The following PCDHA5 variants were observed in gnomAD, a reference collection of about 807,000 sequenced individuals.
PCDHA5 encodes the protein protocadherin alpha 5.
PCDHA5 carries 43 observed loss-of-function variants against 61.6 expected under a neutral mutation model. That is an observed-to-expected ratio of 0.70 (90% CI 0.55 to 0.90). PCDHA5 has a LOEUF of 0.90. Ranked by LOEUF, PCDHA5 falls within the 40% of genes least tolerant of loss-of-function variation. The pLI is 0.00. For synonymous variants in PCDHA5, 627 were observed against 543.9 expected (o/e 1.15, Z -2.13); for missense variants, 1,298 against 1,222.7 (o/e 1.06, Z -0.92).
chr5:140,904,170 A>T (rs2070892349), intron 1 of PCDHA5, among the ~76,000 whole-genome samples: 1 of 151,964 alleles, frequency 6.6e-6, no homozygotes. Context: ...GTAGTCTTTT[A>T]TTCCTCACCC....
intron 1 of PCDHA5, among the ~76,000 whole-genome samples, chr5:140,931,650 T>C (rs2087656696): frequency 6.6e-6 from 1 of 152,016 alleles, no homozygotes; most frequent in South Asian, 2.1e-4. Flanking sequence ...CTAATAATTG[T>C]TGTGGGCTGG....
rs145763112 is a variant in PCDHA5, at chr5:140,835,616, C to A, written c.2352+11489C>A. The A allele has an allele frequency of 2.0e-5, 32 of 1,613,766 alleles. No homozygotes were observed. The highest frequency in any genetic ancestry group is 8.3e-5 in the Admixed American group (5 of 59,990). On this transcript the variant is annotated intron_variant, in intron 1 of 3. Transcript: ENST00000529859. ...ATTACTATTCATTGGTGCTGGACAGCGCTCTGGACCGCGAGAGTGTGTCCG... is the reference window on the plus strand; with the variant it reads ...ATTACTATTCATTGGTGCTGGACAGAGCTCTGGACCGCGAGAGTGTGTCCG...
intron 1 of PCDHA5, among the ~76,000 whole-genome samples, chr5:140,886,340 G>A (rs2060950327): frequency 6.6e-6 from 1 of 151,864 alleles, no homozygotes; most frequent in East Asian, 1.9e-4. Flanking sequence ...TGTGCAGAAC[G>A]TGCAGGTTTG....
At chr5:140,878,571 A>G (rs531090803) in intron 1 of PCDHA5, among the ~76,000 whole-genome samples, 48 of 152,346 alleles carry the variant, frequency 3.2e-4, no homozygotes, top group African/African-American at 1.1e-3. Context: ...ATCATAGTAT[A>G]CCACTGCCCT....
At chr5:140,937,199 G>T (rs2091405017) in intron 1 of PCDHA5, among the ~76,000 whole-genome samples, 1 of 151,792 alleles carries the variant, frequency 6.6e-6, no homozygotes, top group African/African-American at 2.4e-5. Flanking sequence ...CACCATGCCC[G>T]GCTAATTTTT....
intron 1 of PCDHA5, chr5:140,862,749 G>C: frequency 1.7e-6 from 1 of 579,636 alleles, no homozygotes; most frequent in Non-Finnish European, 3.3e-6. Flanking sequence ...GGGTGCACGC[G>C]GAGAGCGGCA....
At chr5:140,906,083 A>G (rs1554192390) in intron 1 of PCDHA5, among the ~76,000 whole-genome samples, 1 of 152,146 alleles carries the variant, frequency 6.6e-6, no homozygotes, top group Non-Finnish European at 1.5e-5. Context: ...ACCCACCCAG[A>G]CTGAGAGTAA....
At chr5:140,888,557 T>G (rs2153424359) in intron 1 of PCDHA5, among the ~76,000 whole-genome samples, 1 of 152,366 alleles carries the variant, frequency 6.6e-6, no homozygotes, top group East Asian at 1.9e-4. Flanking sequence ...TTTATTCCTT[T>G]CAAGGCTTCA....
At chr5:140,962,037 C>G (rs1449536712) in intron 1 of PCDHA5, among the ~76,000 whole-genome samples, 1 of 152,066 alleles carries the variant, frequency 6.6e-6, no homozygotes, top group African/African-American at 2.4e-5. Flanking sequence ...GCACCCACCA[C>G]CATGCCTGGC....
intron 1 of PCDHA5, among the ~76,000 whole-genome samples, chr5:140,924,244 C>T (rs1375839311): frequency 6.6e-6 from 1 of 152,152 alleles, no homozygotes; most frequent in East Asian, 1.9e-4. Flanking sequence ...TGTTTTGCAT[C>T]CTGGTGAGAT....
chr5:140,966,188 T>G (rs1454663585), intron 1 of PCDHA5: 7 of 200,348 alleles, frequency 3.5e-5, no homozygotes, highest in Non-Finnish European at 6.9e-5. Context: ...ATAGCCAGAC[T>G]TCTAGGGGCT....
chr5:140,920,923 G>T (rs1229531762), intron 1 of PCDHA5, among the ~76,000 whole-genome samples: 1 of 151,200 alleles, frequency 6.6e-6, no homozygotes, highest in Non-Finnish European at 1.5e-5. Flanking sequence ...TCCAAGAGTA[G>T]GTGATCTAGC....
intron 1 of PCDHA5, chr5:140,882,816 A>G (rs2059323174): frequency 1.9e-6 from 3 of 1,614,266 alleles, no homozygotes; most frequent in Non-Finnish European, 1.7e-6. Flanking sequence ...TTGGACGCAC[A>G]AAACAGTCTT....
At chr5:140,891,424 G>A (rs932574419) in intron 1 of PCDHA5, among the ~76,000 whole-genome samples, 1 of 146,144 alleles carries the variant, frequency 6.8e-6, no homozygotes, top group Non-Finnish European at 1.5e-5. Context: ...TTGCCCCCAA[G>A]TCCCCAACGT....
At position 140,843,280 on chromosome 5, in the gene PCDHA5, T is replaced by A. The variant is rs2150356364; in HGVS notation, c.2352+19153T>A. ...ACCGTCTGCTGGTCCTGGTGAAGGA[T>A]CATGGTGAACCTGCGCTGACCGCCA... On this transcript the variant is annotated intron_variant, in intron 1 of 3. Coordinates refer to ENST00000529859, the MANE Select transcript of PCDHA5 (RefSeq NM_018908.3). 5.0e-6 allele frequency: 8 copies of A among 1,595,708 alleles called. 1 individual carries two copies. The African/African-American group carries it at 6.7e-5, about 13-fold the overall frequency.
chr5:140,909,462 C>T (rs2074519059), intron 1 of PCDHA5, among the ~76,000 whole-genome samples: 1 of 152,212 alleles, frequency 6.6e-6, no homozygotes, highest in Non-Finnish European at 1.5e-5. Flanking sequence ...ATCCATCTGT[C>T]TTCTTCACAG....
At chr5:140,887,236 AC>A (rs1394086851) in intron 1 of PCDHA5, among the ~76,000 whole-genome samples, 1 of 151,804 alleles carries the variant, frequency 6.6e-6, no homozygotes, top group Non-Finnish European at 1.5e-5. Flanking sequence ...AGCTGAGACT[AC>A]CGGCGCCCGC....
chr5:140,846,369 CTTTCTTT>C (rs1320771612), intron 1 of PCDHA5, among the ~76,000 whole-genome samples: 4 of 102,192 alleles, frequency 3.9e-5, no homozygotes, highest in African/African-American at 3.8e-5. Flanking sequence ...TCTTTTCTTT[CTTTCTTT>C]TTTTTTTTTT....
At chr5:140,888,958 A>G (rs1174377099) in intron 1 of PCDHA5, among the ~76,000 whole-genome samples, 1 of 152,010 alleles carries the variant, frequency 6.6e-6, no homozygotes, top group African/African-American at 2.4e-5. Flanking sequence ...TTTCTTTGGC[A>G]ATGTTAATGT....
Sources: allele counts gnomAD v4.1 joint callset (sites outside exome capture counted in the v4.1 genomes callset), GRCh38; gene constraint gnomAD v4.1.1; transcripts MANE v1.5; gene names NCBI Gene and HGNC (gene_info 2026-07-23, HGNC 2026-07-21).